Variants in CSMD1 observed in about 807,000 individuals in gnomAD.
The protein encoded by CSMD1 is CUB and sushi domain-containing protein 1.
CSMD1 carries 213 observed loss-of-function variants against 417.5 expected under a neutral mutation model. The ratio of observed to expected loss-of-function variants is 0.51; its 90% CI spans 0.46 to 0.57. The LOEUF (loss-of-function observed/expected upper bound fraction) is 0.57. Among genes scored for constraint, CSMD1 ranks in the 20% least tolerant of loss-of-function variants. The probability of loss-of-function intolerance (pLI) is 0.00; values close to 1 mark genes in which losing one functional copy is unlikely to be tolerated. For synonymous variants in CSMD1, 2,862 were observed against 1,736.8 expected (o/e 1.65, Z -16.11); for missense variants, 6,923 against 4,529.7 (o/e 1.53, Z -15.17).
chr8:3,240,600 G>C (rs572615222), intron 26 of CSMD1, among the ~76,000 whole-genome samples: 1 of 152,168 alleles, frequency 6.6e-6, no homozygotes, highest in East Asian at 1.9e-4. Flanking sequence ...GTACAGCCCG[G>C]GTAATCTGCT....
At chr8:4,614,352 T>G (rs1324356309) in intron 2 of CSMD1, among the ~76,000 whole-genome samples, 1 of 152,056 alleles carries the variant, frequency 6.6e-6, no homozygotes, top group African/African-American at 2.4e-5. Context: ...CACCATTACC[T>G]CCATGGCTTG....
At chr8:4,911,934 T>A (rs1422221853) in intron 1 of CSMD1, among the ~76,000 whole-genome samples, 6 of 151,874 alleles carry the variant, frequency 4.0e-5, no homozygotes, top group Non-Finnish European at 7.4e-5. Flanking sequence ...ATATTTTAGC[T>A]TGTACTATTT....
intron 48 of CSMD1, among the ~76,000 whole-genome samples, 162 bp from the exon 49 acceptor site, chr8:3,087,447 G>C (rs772652265): frequency 1.3e-5 from 2 of 152,184 alleles, no homozygotes; most frequent in African/African-American, 2.4e-5. Context: ...CAAAACTTGA[G>C]AGTCTAAGAG....
intron 12 of CSMD1, among the ~76,000 whole-genome samples, chr8:3,454,935 A>C (rs1158028834): frequency 1.3e-5 from 2 of 152,148 alleles, no homozygotes; most frequent in African/African-American, 4.8e-5. Context: ...TCTCCCCGTC[A>C]CTTTCAGGTA....
intron 18 of CSMD1, among the ~76,000 whole-genome samples, chr8:3,374,862 CAA>C (rs1332061806): frequency 6.6e-6 from 1 of 152,122 alleles, no homozygotes; most frequent in Non-Finnish European, 1.5e-5. Flanking sequence ...CAGACCCTGC[CAA>C]AGTCTTCTAA....
intron 25 of CSMD1, among the ~76,000 whole-genome samples, chr8:3,303,892 A>T (rs1322308236): frequency 6.6e-6 from 1 of 151,918 alleles, no homozygotes; most frequent in East Asian, 1.9e-4. Flanking sequence ...TTAAAATTAG[A>T]AATTCTTCCA....
chr8:4,544,651 G>A (rs1023379474), intron 2 of CSMD1, among the ~76,000 whole-genome samples: 3 of 152,260 alleles, frequency 2.0e-5, no homozygotes, highest in South Asian at 2.1e-4. Context: ...TTGGTAAGAT[G>A]CATTAACGTA....
intron 4 of CSMD1, among the ~76,000 whole-genome samples, chr8:4,022,825 G>C (rs974255345): frequency 2.0e-5 from 3 of 152,052 alleles, no homozygotes; most frequent in African/African-American, 4.8e-5. Context: ...CAATTCAGTG[G>C]TCTTCAGAAA....
At chr8:3,437,652 T>C (rs1814655637) in intron 12 of CSMD1, among the ~76,000 whole-genome samples, 1 of 152,246 alleles carries the variant, frequency 6.6e-6, no homozygotes. Flanking sequence ...TTATAATTTA[T>C]TATTAACATT....
chr8:4,067,203 T>C (rs1051618333), intron 3 of CSMD1, among the ~76,000 whole-genome samples: 8 of 152,256 alleles, frequency 5.3e-5, no homozygotes, highest in Admixed American at 2.6e-4. Flanking sequence ...TTTGCATCTA[T>C]TTTATCATCT....
intron 3 of CSMD1, among the ~76,000 whole-genome samples, chr8:4,191,404 C>T (rs940571845): frequency 6.7e-6 from 1 of 149,158 alleles, no homozygotes; most frequent in Non-Finnish European, 1.5e-5. Context: ...TCAGAAAAAA[C>T]AAAAAACAAA....
At chr8:4,437,053 G>T (rs1017973445) in intron 2 of CSMD1, among the ~76,000 whole-genome samples, 3 of 152,090 alleles carry the variant, frequency 2.0e-5, no homozygotes, top group Admixed American at 6.6e-5. Context: ...TTTCCTCAAG[G>T]TAATTTAATG....
At chr8:4,425,661 G>A (rs1447954712) in intron 2 of CSMD1, among the ~76,000 whole-genome samples, 2 of 148,446 alleles carry the variant, frequency 1.3e-5, no homozygotes, top group Non-Finnish European at 3.0e-5. Flanking sequence ...GCCTCACTTT[G>A]AGGAATCCCT....
At chr8:4,079,874 C>A (rs1391722366) in intron 3 of CSMD1, among the ~76,000 whole-genome samples, 1 of 152,140 alleles carries the variant, frequency 6.6e-6, no homozygotes, top group African/African-American at 2.4e-5. Context: ...TGAATACCAT[C>A]TTCATAGGCT....
intron 5 of CSMD1, among the ~76,000 whole-genome samples, chr8:3,817,252 CTT>C (rs767668610): frequency 3.7e-5 from 2 of 54,390 alleles, no homozygotes; most frequent in Admixed American, 3.1e-4. Context: ...TCTTCTTCTT[CTT>C]TTTTTTTTTT....
intron 12 of CSMD1, among the ~76,000 whole-genome samples, chr8:3,450,548 G>C (rs762662959): frequency 1.3e-5 from 2 of 149,180 alleles, no homozygotes; most frequent in African/African-American, 2.5e-5. Context: ...ACCTATCAAT[G>C]AGAACATGCA....
intron 1 of CSMD1, among the ~76,000 whole-genome samples, chr8:4,807,849 G>A (rs951731831): frequency 4.6e-5 from 7 of 152,102 alleles, no homozygotes; most frequent in Admixed American, 1.3e-4. Context: ...CTATGTTATT[G>A]TTAATATTAC....
At chr8:4,479,351 A>T (rs1800966526) in intron 2 of CSMD1, among the ~76,000 whole-genome samples, 1 of 152,210 alleles carries the variant, frequency 6.6e-6, no homozygotes, top group African/African-American at 2.4e-5. Flanking sequence ...GCTGCACTTT[A>T]CCACATATGT....
intron 3 of CSMD1, among the ~76,000 whole-genome samples, chr8:4,281,565 C>T (rs181639520): frequency 6.6e-6 from 1 of 152,260 alleles, no homozygotes; most frequent in African/African-American, 2.4e-5. Context: ...ACAAATGAGA[C>T]TGTTCTTTTT....
Sources: allele counts gnomAD v4.1 joint callset (sites outside exome capture counted in the v4.1 genomes callset), GRCh38; gene constraint gnomAD v4.1.1; transcripts MANE v1.5; gene names NCBI Gene and HGNC (gene_info 2026-07-23, HGNC 2026-07-21).